The following NID2 variants were observed in gnomAD, a reference collection of about 807,000 sequenced individuals.
NID2 encodes the protein nidogen 2, also known as nidogen-2.
A neutral mutation model predicts 145.4 loss-of-function variants in NID2; 83 were observed. The ratio of observed to expected loss-of-function variants is 0.57; its 90% confidence interval spans 0.48 to 0.69. NID2 has a LOEUF of 0.69. NID2 is among the 30% of genes least tolerant of loss of function. The pLI, the probability that NID2 is intolerant of heterozygous loss-of-function variation, is 0.00. For missense variants in NID2, 1,807 were observed against 1,765.7 expected (o/e 1.02, Z -0.42); for synonymous variants, 739 against 701.3 (o/e 1.05, Z -0.85).
intron 5 of NID2, among the ~76,000 whole-genome samples, chr14:52,052,395 G>C (rs1048837357): frequency 1.3e-5 from 2 of 152,142 alleles, no homozygotes; most frequent in Non-Finnish European, 2.9e-5. Flanking sequence ...GTGCAGACAC[G>C]AAGCCAAGAA....
intron 2 of NID2, among the ~76,000 whole-genome samples, chr14:52,063,831 T>G (rs1893099506): frequency 6.6e-6 from 1 of 152,196 alleles, no homozygotes; most frequent in Non-Finnish European, 1.5e-5. Flanking sequence ...CATGGGGGAC[T>G]GTCCCTCATT....
At chr14:52,056,608 C>G (rs1892852268) in intron 3 of NID2, among the ~76,000 whole-genome samples, 1 of 151,944 alleles carries the variant, frequency 6.6e-6, no homozygotes, top group Admixed American at 6.6e-5. Context: ...CCAGCCTGGC[C>G]AACATGGTGA....
rs371105285 is a variant in NID2 at position 52,027,171 on chromosome 14, A to C, written c.2674+30T>G. On this transcript the variant is annotated intron_variant, in intron 12 of 21. Transcript: ENST00000216286. ...GGATGTGCATCCAAAGCAACTTTCC[A>C]GTCATTGAGGCTGACCTGCAGTTAC... 9 of 1,438,196 alleles carry C rather than the reference A, an allele frequency of 6.3e-6. 1 individual carries two copies. Among genetic ancestry groups the C allele is most frequent in the African/African-American group, 1.5e-5 (1 of 67,892 alleles). 89.1% of individuals were successfully genotyped at this position (1,438,196 alleles called of 1,614,324 possible).
chr14:52,066,381 C>A (rs4901189), intron 2 of NID2, among the ~76,000 whole-genome samples: 1 of 151,324 alleles, frequency 6.6e-6, no homozygotes, highest in African/African-American at 2.4e-5. Context: ...AACAGGGTGA[C>A]TATAACCTGT....
intron 7 of NID2, among the ~76,000 whole-genome samples, chr14:52,041,070 C>G (rs1448421423): frequency 6.6e-6 from 1 of 152,176 alleles, no homozygotes; most frequent in African/African-American, 2.4e-5. Context: ...CACCCAGCTT[C>G]TCTTTGAACA....
intron 2 of NID2, among the ~76,000 whole-genome samples, chr14:52,065,304 C>A (rs554234191): frequency 6.6e-6 from 1 of 152,052 alleles, no homozygotes; most frequent in African/African-American, 2.4e-5. Context: ...AGAACTCAGT[C>A]CTTCAAGCAA....
chr14:52,039,752 G>T (rs146568709), intron 8 of NID2, among the ~76,000 whole-genome samples: 1 of 152,202 alleles, frequency 6.6e-6, no homozygotes, highest in Non-Finnish European at 1.5e-5. Context: ...AACACATCAC[G>T]CTTCGCACAC....
At chr14:52,038,244 T>C (rs1304580692) in intron 9 of NID2, among the ~76,000 whole-genome samples, 2 of 152,206 alleles carry the variant, frequency 1.3e-5, no homozygotes, top group East Asian at 3.9e-4. Flanking sequence ...GAGGGGGAGG[T>C]TATACATCAA....
intron 3 of NID2, among the ~76,000 whole-genome samples, chr14:52,057,699 G>A (rs1257104190): frequency 1.3e-4 from 7 of 52,882 alleles, no homozygotes; most frequent in Admixed American, 3.3e-4. Flanking sequence ...GCGAACCTCC[G>A]TCTCAAAAAA....
chr14:52,029,415 T>A, intron 10 of NID2, 132 bp downstream of exon 10: 1 of 838,098 alleles, frequency 1.2e-6, no homozygotes. Flanking sequence ...ATATTCAGAT[T>A]AACAGCTGCT....
chr14:52,027,427 C>G, intron 11 of NID2, 83 bp from the exon 12 acceptor site: 1 of 1,216,088 alleles, frequency 8.2e-7, no homozygotes, highest in Non-Finnish European at 1.1e-6. Context: ...ATCCACAGAC[C>G]AACAGCAACA....
chr14:52,020,065 T>G lies in NID2; in HGVS notation c.2788A>C (p.Ile930Leu), dbSNP rs144774059. 1 of 1,613,956 alleles carries G rather than the reference T, an allele frequency of 6.2e-7. No individual in the cohort carries two copies. Among genetic ancestry groups the G allele is most frequent in the Admixed American group, 1.7e-5 (1 of 60,022 alleles). The change falls in exon 13 of 22, where the codon ATA becomes CTA. Residue 930 changes from isoleucine (I) to leucine (L), a missense_variant. Coordinates refer to ENST00000216286, the MANE Select transcript of NID2 (RefSeq NM_007361.4). Reference protein sequence around the residue: ...PGYYGDGFQCIPDSTSSLTPC... With the variant: ...PGYYGDGFQCLPDSTSSLTPC... The stretch of plus-strand genomic sequence containing the variant: ...CTGGCCCTCTGAAACTTACCAGGTA[T>G]GCACTGAAATCCATCCCCATAATAT...
intron 20 of NID2, 154 bp downstream of exon 20, chr14:52,006,383 C>CT: frequency 7.8e-6 from 6 of 769,106 alleles, no homozygotes; most frequent in Non-Finnish European, 1.3e-5. Flanking sequence ...GAAAAACATC[C>CT]TTGAAGGATC....
intron 9 of NID2, 112 bp from the exon 10 acceptor site, chr14:52,029,802 G>A: frequency 1.2e-6 from 1 of 850,778 alleles, no homozygotes; most frequent in Non-Finnish European, 1.8e-6. Flanking sequence ...TGACACACCG[G>A]AAGACCTTAC....
At chr14:52,068,635 G>A (rs1893310384) in intron 1 of NID2, 132 bp downstream of exon 1, 1 of 755,540 alleles carries the variant, frequency 1.3e-6, no homozygotes, top group Non-Finnish European at 2.1e-6. Flanking sequence ...CTCTCTGGCC[G>A]GGTACCACCG....
Position 52,057,175 on chromosome 14 carries a change from G to T in NID2, c.768-2854C>A, listed in dbSNP as rs993515132. Among the ~76,000 whole-genome samples, 8 of 152,126 alleles carry T rather than the reference G, an allele frequency of 5.3e-5. No homozygotes were observed. The South Asian group carries it at 1.7e-3, about 32-fold the overall frequency. ...TCCCACTTCAGCCTCCCAAATAGCT[G>T]GGTCTACGGGTGCACACCACCACAC... On this transcript the variant is annotated intron_variant, in intron 3 of 21. Transcript: ENST00000216286.
chr14:52,064,180 A>G (rs548200267), intron 2 of NID2, among the ~76,000 whole-genome samples: 1 of 152,134 alleles, frequency 6.6e-6, no homozygotes, highest in South Asian at 2.1e-4. Flanking sequence ...ATGACTATCA[A>G]CCTTTGAACC....
chr14:52,016,525 A>AT (rs1344885873), intron 14 of NID2, among the ~76,000 whole-genome samples: 1 of 152,094 alleles, frequency 6.6e-6, no homozygotes, highest in East Asian at 1.9e-4. Context: ...CACCATCCAC[A>AT]TTTGATATGT....
At position 52,011,597 on chromosome 14, in the gene NID2, A is replaced by C. The variant is rs1051069; in HGVS notation, c.3507T>G (p.Ala1169=). 1.9e-6 allele frequency: 3 copies of C among 1,613,910 alleles called. No individual in the cohort carries two copies. The highest frequency in any genetic ancestry group is 2.5e-6 in the Non-Finnish European group (3 of 1,179,990). ...TDVAGRTISR[A]GLELGAEPET... ...CAGGCTCTGCTCCCAGTTCCAGACCAGCACGGCTGATTGTCCGTCCAGCAA... is the reference window on the plus strand; with the variant it reads ...CAGGCTCTGCTCCCAGTTCCAGACCCGCACGGCTGATTGTCCGTCCAGCAA... Residue 1169 remains alanine (A), a synonymous_variant, in exon 17 of 22, where the codon GCT becomes GCG. Coordinates refer to ENST00000216286, the MANE Select transcript of NID2 (RefSeq NM_007361.4).
Sources: allele counts gnomAD v4.1 joint callset (sites outside exome capture counted in the v4.1 genomes callset), GRCh38; gene constraint gnomAD v4.1.1; transcripts MANE v1.5; gene names NCBI Gene and HGNC (gene_info 2026-07-23, HGNC 2026-07-21).